The following KIAA0232 variants were observed in gnomAD, a reference collection of about 807,000 sequenced individuals.
KIAA0232 encodes the protein uncharacterized protein KIAA0232.
A neutral mutation model predicts 122.0 loss-of-function variants in KIAA0232; 27 were observed. The observed-to-expected ratio is 0.22, with a 90% CI of 0.16 to 0.31. KIAA0232 has a LOEUF of 0.31. Ranked by LOEUF, KIAA0232 falls within the 10% of genes least tolerant of loss-of-function variation. The probability of loss-of-function intolerance (pLI) is 1.00; values close to 1 mark genes in which losing one functional copy is unlikely to be tolerated. For missense variants in KIAA0232, 1,551 were observed against 1,634.2 expected, an observed-to-expected ratio of 0.95 and a Z score of 0.88; for synonymous variants, 613 against 587.6, an observed-to-expected ratio of 1.04 and a Z score of -0.63.
chr4:6,862,406 A>G lies in KIAA0232; in HGVS notation c.2024A>G (p.Asp675Gly), dbSNP rs372989285. Residue 675 changes from aspartate (D) to glycine (G), a missense_variant, in exon 7 of 10, where the codon GAT becomes GGT. Physicochemically the swap from Asp to Gly is moderately conservative, Grantham distance 94. This residue lies in a region of KIAA0232 where 1,108 missense variants were observed against 1,154.8 expected (regional missense o/e 0.96). Coordinates refer to ENST00000307659, the MANE Select transcript of KIAA0232 (RefSeq NM_014743.3). Reference sequence around the variant, plus strand: ...CTCAACTTGGGAAATGAAAATACAGATTCTAGTGCTAATATGCTTGGGAAA... The same window carrying G: ...CTCAACTTGGGAAATGAAAATACAGGTTCTAGTGCTAATATGCTTGGGAAA... ...ETLNLGNENT[D>G]SSANMLGKTQ... is the part of the protein sequence containing the mutation. 5 of 1,614,182 alleles carry G rather than the reference A, an allele frequency of 3.1e-6. No individual in the cohort carries two copies. The highest frequency in any genetic ancestry group is 3.4e-6 in the Non-Finnish European group (4 of 1,180,032).
At chr4:6,875,691 G>T (rs904321410) in intron 8 of KIAA0232, among the ~76,000 whole-genome samples, 28 of 152,194 alleles carry the variant, frequency 1.8e-4, no homozygotes, top group African/African-American at 6.5e-4. Flanking sequence ...GGGATGGGGG[G>T]TGTGATCTGG....
At chr4:6,854,298 A>G (rs1381383816) in intron 4 of KIAA0232, among the ~76,000 whole-genome samples, 1 of 152,062 alleles carries the variant, frequency 6.6e-6, no homozygotes, top group Non-Finnish European at 1.5e-5. Context: ...TTGGGTCCAG[A>G]AAGAGGAAGT....
intron 7 of KIAA0232, among the ~76,000 whole-genome samples, chr4:6,867,974 T>C (rs1478256544): frequency 6.6e-6 from 1 of 152,210 alleles, no homozygotes; most frequent in Non-Finnish European, 1.5e-5. Flanking sequence ...ATCTCTTCAT[T>C]GATGTTTCAT....
At chr4:6,840,102 G>A (rs1284138377) in intron 3 of KIAA0232, among the ~76,000 whole-genome samples, 1 of 152,146 alleles carries the variant, frequency 6.6e-6, no homozygotes, top group Non-Finnish European at 1.5e-5. Context: ...CCCCTGTTAG[G>A]TTTGATTCAG....
At chr4:6,851,760 T>C (rs1211390811) in intron 4 of KIAA0232, among the ~76,000 whole-genome samples, 1 of 147,914 alleles carries the variant, frequency 6.8e-6, no homozygotes, top group Non-Finnish European at 1.5e-5. Flanking sequence ...GGGGTTTGCC[T>C]AAATCAGTAA....
chr4:6,878,379 T>TA (rs1721864096), intron 9 of KIAA0232, among the ~76,000 whole-genome samples: 2 of 149,198 alleles, frequency 1.3e-5, no homozygotes, highest in African/African-American at 5.1e-5. Context: ...CATCATTCAT[T>TA]CATACATACA....
intron 3 of KIAA0232, among the ~76,000 whole-genome samples, chr4:6,837,777 G>A (rs1241047555): frequency 2.0e-5 from 3 of 152,204 alleles, no homozygotes; most frequent in African/African-American, 7.2e-5. Flanking sequence ...GTCAGGCGTG[G>A]GCGGCGCGTG....
intron 4 of KIAA0232, among the ~76,000 whole-genome samples, chr4:6,849,346 G>T (rs1720143047): frequency 6.6e-6 from 1 of 152,238 alleles, no homozygotes; most frequent in African/African-American, 2.4e-5. Flanking sequence ...TCCTGGCCCG[G>T]CACAGTGGCT....
chr4:6,818,003 A>G (rs936348240), intron 2 of KIAA0232, among the ~76,000 whole-genome samples: 20 of 152,118 alleles, frequency 1.3e-4, no homozygotes, highest in African/African-American at 3.9e-4. Context: ...TTTTTTATTA[A>G]TGTTAGTGTA....
intron 9 of KIAA0232, among the ~76,000 whole-genome samples, chr4:6,878,717 C>CCTGT (rs1293053396): frequency 6.6e-6 from 1 of 152,166 alleles, no homozygotes; most frequent in Admixed American, 6.5e-5. Context: ...CCATTTGTAT[C>CCTGT]CTGTCTGGAC....
intron 7 of KIAA0232, among the ~76,000 whole-genome samples, chr4:6,866,594 A>G (rs1374108928): frequency 2.0e-5 from 3 of 152,196 alleles, no homozygotes; most frequent in African/African-American, 4.8e-5. Flanking sequence ...CTGAGTCAGT[A>G]CAGTCTTTTC....
At chr4:6,876,038 G>A (rs1399576775) in intron 8 of KIAA0232, among the ~76,000 whole-genome samples, 6 of 152,200 alleles carry the variant, frequency 3.9e-5, no homozygotes, top group African/African-American at 1.4e-4. Flanking sequence ...TACTGGGCTC[G>A]TTGGATTTGT....
intron 3 of KIAA0232, among the ~76,000 whole-genome samples, chr4:6,841,206 T>A (rs1719643749): frequency 6.6e-6 from 1 of 152,216 alleles, no homozygotes; most frequent in Non-Finnish European, 1.5e-5. Flanking sequence ...AAACAAGAAG[T>A]GAAATCTCCA....
In KIAA0232 at chr4:6,863,349, A is replaced by T; in HGVS notation, c.2967A>T (p.Leu989Phe). The T allele has an allele frequency of 6.2e-7, 1 of 1,614,216 alleles. No individual in the cohort carries two copies. Among genetic ancestry groups the T allele is most frequent in the Non-Finnish European group, 8.5e-7 (1 of 1,180,030 alleles). Reference protein sequence around the residue: ...GNSFAPGHRQLWKPFVSFEQN... With the variant: ...GNSFAPGHRQFWKPFVSFEQN... ...GTTTTGCTCCTGGGCACAGGCAGTT[A>T]TGGAAACCCTTCGTGTCATTTGAAC... is the stretch of plus-strand genomic sequence containing the variant. The change falls in exon 7 of 10, where the codon TTA becomes TTT. Residue 989 changes from leucine to phenylalanine, a missense_variant. Leu to Phe is a conservative substitution (Grantham distance 22). Transcript: ENST00000307659.
In KIAA0232 at chr4:6,862,900, A is replaced by G. The variant is rs780613276; in HGVS notation, c.2518A>G (p.Thr840Ala). Reference sequence around the variant, plus strand: ...GATGGCAGACACAAATTCTGTGGCTACAGTAGAAATAGAAAGAACTGATGC... The same window carrying G: ...GATGGCAGACACAAATTCTGTGGCTGCAGTAGAAATAGAAAGAACTGATGC... ...TKMADTNSVA[T>A]VEIERTDAEL... Residue 840 changes from threonine (T) to alanine (A), a missense_variant, in exon 7 of 10, where the codon ACA (threonine) becomes GCA (alanine). By Grantham distance (58) the Thr-to-Ala change is moderately conservative. This residue lies in a region of KIAA0232 where 1,108 missense variants were observed against 1,154.8 expected (regional missense o/e 0.96). Coordinates refer to ENST00000307659, the MANE Select transcript of KIAA0232 (RefSeq NM_014743.3). 3 of 1,614,242 alleles carry G rather than the reference A, an allele frequency of 1.9e-6. No homozygotes were observed. Among genetic ancestry groups the G allele is most frequent in the Admixed American group, 1.7e-5 (1 of 60,034 alleles).
At chr4:6,851,711 A>T (rs1720294742) in intron 4 of KIAA0232, among the ~76,000 whole-genome samples, 1 of 138,390 alleles carries the variant, frequency 7.2e-6, no homozygotes, top group African/African-American at 2.6e-5. Context: ...GCAAGATCCT[A>T]TCTCAAAAAT....
intron 4 of KIAA0232, among the ~76,000 whole-genome samples, chr4:6,851,586 G>A (rs1173922967): frequency 2.0e-5 from 3 of 151,846 alleles, no homozygotes; most frequent in Non-Finnish European, 4.4e-5. Flanking sequence ...GGTGGCACAC[G>A]CCTGAGTCCC....
chr4:6,868,480 GGCAGGAGTTT>G (rs2108820144), intron 7 of KIAA0232, among the ~76,000 whole-genome samples: 1 of 152,276 alleles, frequency 6.6e-6, no homozygotes, highest in East Asian at 1.9e-4. Flanking sequence ...TGGGAGTGAT[GGCAGGAGTTT>G]GCTGTGTTAT....
At chr4:6,821,448 C>T (rs987130125) in intron 2 of KIAA0232, among the ~76,000 whole-genome samples, 1 of 152,084 alleles carries the variant, frequency 6.6e-6, no homozygotes, top group African/African-American at 2.4e-5. Flanking sequence ...AGCTTAGCTC[C>T]CGCTTGTGAG....
Sources: allele counts gnomAD v4.1 joint callset (sites outside exome capture counted in the v4.1 genomes callset), GRCh38; gene constraint gnomAD v4.1.1; regional missense constraint gnomAD v4.1.1; transcripts MANE v1.5; gene names NCBI Gene and HGNC (gene_info 2026-07-23, HGNC 2026-07-21).